CHL1: variants seen among roughly 807,000 people sequenced by gnomAD.
The protein encoded by CHL1 is cell adhesion molecule L1 like.
CHL1 carries 96 observed loss-of-function variants against 141.9 expected under a neutral mutation model. The ratio of observed to expected loss-of-function variants is 0.68; its 90% CI spans 0.57 to 0.80. The LOEUF (loss-of-function observed/expected upper bound fraction) is 0.80, where lower values mean the gene tolerates loss of function less well. Ranked by LOEUF, CHL1 falls within the 30% of genes least tolerant of loss-of-function variation. The pLI, the probability that CHL1 is intolerant of heterozygous loss-of-function variation, is 0.00. For synonymous variants in CHL1, 613 were observed against 502.2 expected (o/e 1.22, Z -2.95); for missense variants, 1,820 against 1,457.2 (o/e 1.25, Z -4.05).
chr3:340,655 G>A (rs1411202569), intron 5 of CHL1, 139 bp from the exon 6 acceptor site: 3 of 664,428 alleles, frequency 4.5e-6, no homozygotes, highest in African/African-American at 1.8e-5. Context: ...ACTCTGAAGG[G>A]GAGATGTAAG....
intron 18 of CHL1, among the ~76,000 whole-genome samples, chr3:383,498 T>A (rs980616872): frequency 1.4e-4 from 21 of 152,124 alleles, no homozygotes; most frequent in African/African-American, 2.7e-4. Context: ...AAATTTTTTT[T>A]TAAAAAAGCA....
intron 1 of CHL1, among the ~76,000 whole-genome samples, chr3:240,655 T>A (rs62228322): frequency 0.51 from 77,219 of 152,092 alleles, 21,257 homozygotes; most frequent in Non-Finnish European, 0.62. Flanking sequence ...ATTCTTGGTC[T>A]TGAAGCCTTT....
At chr3:226,562 G>A (rs1238097674) in intron 1 of CHL1, among the ~76,000 whole-genome samples, 1 of 151,588 alleles carries the variant, frequency 6.6e-6, no homozygotes, top group Non-Finnish European at 1.5e-5. Flanking sequence ...CGATTCTCCT[G>A]CTTCAGCCTC....
At chr3:324,406 G>A (rs1559255753) in intron 3 of CHL1, among the ~76,000 whole-genome samples, 1 of 152,020 alleles carries the variant, frequency 6.6e-6, no homozygotes. Context: ...TCTAAGAACT[G>A]TACTAAAACT....
chr3:385,673 T>G (rs1007843103), intron 19 of CHL1: 11 of 151,624 alleles, frequency 7.3e-5, no homozygotes, highest in African/African-American at 7.3e-5. Flanking sequence ...ACTAAAAATA[T>G]AAAAATTAGC....
At chr3:199,336 G>A (rs1417515294) in intron 1 of CHL1, among the ~76,000 whole-genome samples, 1 of 152,214 alleles carries the variant, frequency 6.6e-6, no homozygotes, top group East Asian at 1.9e-4. Flanking sequence ...CCACTTCACT[G>A]CAGCACAAGA....
chr3:300,798 AC>A (rs1318092996), intron 2 of CHL1, among the ~76,000 whole-genome samples: 1 of 152,160 alleles, frequency 6.6e-6, no homozygotes, highest in Non-Finnish European at 1.5e-5. Context: ...AAAAGAGAAA[AC>A]CCTTGTGATA....
At chr3:211,475 T>C (rs1242832363) in intron 1 of CHL1, among the ~76,000 whole-genome samples, 1 of 152,180 alleles carries the variant, frequency 6.6e-6, no homozygotes, top group South Asian at 2.1e-4. Flanking sequence ...ACTGCTGCCA[T>C]GTCTGGTGTG....
At chr3:263,989 G>A (rs1311955072) in intron 2 of CHL1, among the ~76,000 whole-genome samples, 4 of 152,198 alleles carry the variant, frequency 2.6e-5, no homozygotes, top group Non-Finnish European at 5.9e-5. Flanking sequence ...AAGACGGATA[G>A]TATTGATGGA....
intron 24 of CHL1, among the ~76,000 whole-genome samples, chr3:395,404 A>G (rs1189941567): frequency 6.6e-6 from 1 of 152,218 alleles, no homozygotes; most frequent in Non-Finnish European, 1.5e-5. Flanking sequence ...TTGTAACACA[A>G]TTATCCTAAT....
intron 2 of CHL1, among the ~76,000 whole-genome samples, chr3:294,201 C>G (rs1358329318): frequency 6.6e-6 from 1 of 152,014 alleles, no homozygotes; most frequent in Non-Finnish European, 1.5e-5. Flanking sequence ...CACCTGCAGT[C>G]TCGGCTACTC....
chr3:291,953 A>G (rs1018973371), intron 2 of CHL1, among the ~76,000 whole-genome samples: 1 of 152,188 alleles, frequency 6.6e-6, no homozygotes, highest in Admixed American at 6.5e-5. Context: ...ATCCCTTCTA[A>G]GGCAGGACTT....
chr3:326,834 AT>A (rs1701054645), intron 4 of CHL1, among the ~76,000 whole-genome samples: 1 of 151,956 alleles, frequency 6.6e-6, no homozygotes, highest in Admixed American at 6.6e-5. Context: ...ATGAAAATTG[AT>A]GATTTTCAAT....
At chr3:326,151 A>T in intron 4 of CHL1, 87 bp downstream of exon 4, 2 of 754,348 alleles carry the variant, frequency 2.7e-6, no homozygotes, top group Non-Finnish European at 4.3e-6. Flanking sequence ...AGCCTGTTGG[A>T]CTATGAATCC....
chr3:358,132 T>A (rs1189989126), intron 11 of CHL1, among the ~76,000 whole-genome samples: 2 of 152,218 alleles, frequency 1.3e-5, no homozygotes, highest in Non-Finnish European at 2.9e-5. Context: ...TATTTTACAT[T>A]TCTGTAAAAG....
chr3:226,394 A>T (rs902056927), intron 1 of CHL1, among the ~76,000 whole-genome samples: 15 of 146,390 alleles, frequency 1.0e-4, no homozygotes, highest in African/African-American at 3.7e-4. Context: ...ATACTTATAT[A>T]TTATATAATA....
chr3:370,059 CT>C (rs1465403447), intron 15 of CHL1, among the ~76,000 whole-genome samples: 2 of 152,138 alleles, frequency 1.3e-5, no homozygotes, highest in Admixed American at 6.6e-5. Context: ...CTGAATGTTC[CT>C]TTTTTTGTGT....
chr3:374,570 G>A (rs1159578385), intron 15 of CHL1, among the ~76,000 whole-genome samples: 1 of 152,164 alleles, frequency 6.6e-6, no homozygotes, highest in Non-Finnish European at 1.5e-5. Flanking sequence ...CAGGATCCCA[G>A]AGCTGACACT....
intron 5 of CHL1, among the ~76,000 whole-genome samples, chr3:336,985 A>G (rs922022996): frequency 6.6e-5 from 10 of 152,172 alleles, no homozygotes; most frequent in African/African-American, 2.4e-4. Flanking sequence ...AATGTCACTT[A>G]TACCCTTGGT....
Sources: allele counts gnomAD v4.1 joint callset (sites outside exome capture counted in the v4.1 genomes callset), GRCh38; gene constraint gnomAD v4.1.1; transcripts MANE v1.5; gene names NCBI Gene and HGNC (gene_info 2026-07-23, HGNC 2026-07-21).